PATZ1: variants seen among roughly 807,000 people sequenced by gnomAD.
PATZ1 encodes the protein POZ-, AT hook-, and zinc finger-containing protein 1.
PATZ1 carries 9 observed loss-of-function variants against 46.2 expected under a neutral mutation model. That is an observed-to-expected ratio of 0.19 (90% CI 0.12 to 0.34). PATZ1 has a LOEUF of 0.34. Among genes scored for constraint, PATZ1 ranks in the 10% least tolerant of loss-of-function variants. The pLI is 1.00. For synonymous variants in PATZ1, 426 were observed against 378.6 expected (o/e 1.13, Z -1.45); for missense variants, 632 against 923.0 (o/e 0.68, Z 4.08).
intron 3 of PATZ1, 46 bp downstream of exon 3, chr22:31,335,646 C>CGCT: frequency 6.3e-7 from 1 of 1,585,726 alleles, no homozygotes; most frequent in African/African-American, 1.3e-5. Flanking sequence ...CTCCCATACA[C>CGCT]GCTCAGGCCC....
intron 2 of PATZ1, chr22:31,341,628 A>G: frequency 6.2e-7 from 1 of 1,614,068 alleles, no homozygotes; most frequent in Admixed American, 1.7e-5. Context: ...CCATGATGGC[A>G]GGTCGCTAGG....
chr22:31,340,338 C>A (rs180694929), intron 2 of PATZ1, among the ~76,000 whole-genome samples: 3 of 152,330 alleles, frequency 2.0e-5, no homozygotes, highest in East Asian at 3.9e-4. Context: ...ATGAGCGATA[C>A]GGACTGTGCC....
Position 31,344,382 on chromosome 22 carries a change from C to T in PATZ1, c.1221G>A (p.Gly407=), listed in dbSNP as rs774599492. The T allele has an allele frequency of 3.8e-5, 62 of 1,613,822 alleles. No individual in the cohort carries two copies. Among genetic ancestry groups the T allele is most frequent in the Non-Finnish European group, 5.3e-5 (62 of 1,179,912 alleles). ...RMSYHVRSHD[G]SVGKPYICQS... ...GGCAGATGTAAGGCTTGCCCACGGA[C>T]CCATCATGGGACCGCACATGGTAGG... Residue 407 remains glycine, a synonymous_variant, in exon 1 of 5, where the codon GGG becomes GGA. Transcript: ENST00000266269.
intron 3 of PATZ1, among the ~76,000 whole-genome samples, chr22:31,334,738 G>A (rs1191144657): frequency 2.0e-5 from 3 of 152,132 alleles, no homozygotes; most frequent in Non-Finnish European, 4.4e-5. Context: ...GAGGGAATGG[G>A]AGAACTCGAG....
chr22:31,327,102 G>C lies in PATZ1; in HGVS notation c.1853C>G (p.Ser618Cys), dbSNP rs1290905233. The change falls in exon 5 of 5, where the codon TCC (serine) becomes TGC (cysteine). Residue 618 changes from serine to cysteine, a missense_variant. Coordinates refer to ENST00000266269, the MANE Select transcript of PATZ1 (RefSeq NM_014323.3). The surrounding 1 kb of genome is among the most constrained non-coding windows in gnomAD (Gnocchi z 4.2). ...CTTCTGGATGTGTTTGTTCAAGTAG[G>C]ACTTAGAGCGGAAGAAGCTCCCACA... ...PECGSFFRSK[S>C]YLNKHIQKVH... The C allele has an allele frequency of 1.2e-6, 2 of 1,613,980 alleles. No homozygotes were observed. Among genetic ancestry groups the C allele is most frequent in the Non-Finnish European group, 1.7e-6 (2 of 1,180,012 alleles).
At chr22:31,337,000 C>T (rs1184884445) in intron 2 of PATZ1, among the ~76,000 whole-genome samples, 4 of 150,734 alleles carry the variant, frequency 2.7e-5, no homozygotes, top group Admixed American at 6.6e-5. Flanking sequence ...GTCCCAGCTA[C>T]TCGGGAGGCT....
intron 3 of PATZ1, among the ~76,000 whole-genome samples, chr22:31,334,567 A>G (rs1390791447): frequency 6.6e-6 from 1 of 152,148 alleles, no homozygotes; most frequent in African/African-American, 2.4e-5. Context: ...GTCAACAAGC[A>G]TGTCTTTCCC....
chr22:31,331,073 G>A (rs976256852), intron 3 of PATZ1, among the ~76,000 whole-genome samples: 3 of 152,226 alleles, frequency 2.0e-5, no homozygotes, highest in African/African-American at 7.2e-5. Context: ...AAGTTGTCCT[G>A]TGCTATGACC....
chr22:31,341,624 T>A (rs769701964), intron 2 of PATZ1: 1 of 1,614,120 alleles, frequency 6.2e-7, no homozygotes, highest in Non-Finnish European at 8.5e-7. Context: ...AGTCCCATGA[T>A]GGCAGGTCGC....
chr22:31,329,817 A>T (rs1302341266), intron 3 of PATZ1, among the ~76,000 whole-genome samples: 1 of 152,232 alleles, frequency 6.6e-6, no homozygotes, highest in Non-Finnish European at 1.5e-5. Flanking sequence ...ATACAGAATC[A>T]GGCAGGCCGA....
intron 2 of PATZ1, chr22:31,341,280 A>T: frequency 6.9e-7 from 1 of 1,440,304 alleles, no homozygotes; most frequent in South Asian, 1.7e-5. Context: ...ACTCCGAGTC[A>T]CCCAGGGAGG....
chr22:31,332,099 G>A (rs186732459), intron 3 of PATZ1, among the ~76,000 whole-genome samples: 6 of 152,234 alleles, frequency 3.9e-5, no homozygotes, highest in Non-Finnish European at 7.4e-5. Flanking sequence ...CAACAACAGC[G>A]AAACTGTCTT....
chr22:31,328,978 C>T lies in PATZ1; in HGVS notation c.1508-54G>A, dbSNP rs565105190. The T allele has an allele frequency of 1.1e-4, 168 of 1,462,296 alleles. 2 individuals are homozygous for T. In the East Asian group the frequency reaches 4.1e-3, roughly 36 times the overall value. 90.6% of individuals were successfully genotyped at this position (1,462,296 alleles called of 1,614,324 possible). A position where few individuals can be genotyped will look rare whatever the true frequency, so the allele number is the denominator to read the frequency against. Reference sequence around the variant, plus strand: ...CGCGGCCAGCAAGAGATACCTCTCTCCTTCCCCCAACTCCTCTCCTCTGGC... The same window carrying T: ...CGCGGCCAGCAAGAGATACCTCTCTTCTTCCCCCAACTCCTCTCCTCTGGC... On this transcript the variant is annotated intron_variant, in intron 3 of 4. Transcript: ENST00000266269. This position sits in a 1 kb window ranked among gnomAD's most constrained non-coding sequence, Gnocchi z 4.8.
intron 2 of PATZ1, among the ~76,000 whole-genome samples, chr22:31,338,469 G>A (rs1285549075): frequency 6.6e-6 from 1 of 152,232 alleles, no homozygotes; most frequent in African/African-American, 2.4e-5. Flanking sequence ...ATGGATGCTT[G>A]CTCTCATGGC....
At position 31,345,927 on chromosome 22, in the gene PATZ1, A is replaced by C; in HGVS notation, c.-325T>G. ...GCGAAGAGGTGCGCCCCTCCTGCAA[A>C]CGCGCCTGCCACCTCCCCTCCCGCC... On this transcript the variant is annotated 5_prime_UTR_variant, in exon 1 of 5. Transcript: ENST00000266269. The surrounding 1 kb of genome is among the most constrained non-coding windows in gnomAD (Gnocchi z 7.4). 1.4e-5 allele frequency: 4 copies of C among 288,514 alleles called. No homozygotes were observed. Among genetic ancestry groups the C allele is most frequent in the Non-Finnish European group, 2.6e-5 (4 of 155,912 alleles). The allele number at this position is 288,514 out of a possible 1,614,324, so 17.9% of individuals were successfully genotyped here. A position where few individuals can be genotyped will look rare whatever the true frequency, so the allele number is the denominator to read the frequency against.
chr22:31,333,476 C>CTTTTTTT (rs71319182), intron 3 of PATZ1, among the ~76,000 whole-genome samples: 3 of 128,734 alleles, frequency 2.3e-5, no homozygotes, highest in East Asian at 2.7e-4. Context: ...TATCCTCTTC[C>CTTTTTTT]TTTTTTTTTT....
intron 2 of PATZ1, among the ~76,000 whole-genome samples, chr22:31,336,498 G>C (rs1268769352): frequency 6.6e-6 from 1 of 152,040 alleles, no homozygotes; most frequent in African/African-American, 2.4e-5. Context: ...GACAGCAAGG[G>C]CCAGAGGCTT....
intron 1 of PATZ1, among the ~76,000 whole-genome samples, chr22:31,343,951 G>T (rs534675634): frequency 6.6e-6 from 1 of 151,954 alleles, no homozygotes; most frequent in East Asian, 2.0e-4. Context: ...TACCTCCCTC[G>T]GCAGCCATTC....
At chr22:31,343,121 G>C in intron 1 of PATZ1, 161 bp from the exon 2 acceptor site, 1 of 1,407,278 alleles carries the variant, frequency 7.1e-7, no homozygotes, top group Non-Finnish European at 9.3e-7. Context: ...ACCCAGTTCT[G>C]GCTCCACAGG....
Sources: gnomAD v4.1 joint callset for allele counts (sites outside exome capture counted in the v4.1 genomes callset) on GRCh38, gnomAD v4.1.1 for gene constraint, Gnocchi (gnomAD v3.1) non-coding constraint, MANE v1.5 for transcripts, NCBI Gene and HGNC (gene_info 2026-07-23, HGNC 2026-07-21) for gene names.